B3GAT1: variants seen among roughly 807,000 people sequenced by gnomAD.
The protein encoded by B3GAT1 is galactosylgalactosylxylosylprotein 3-beta-glucuronosyltransferase 1.
B3GAT1 carries 11 observed loss-of-function variants against 28.4 expected under a neutral mutation model. The ratio of observed to expected loss-of-function variants is 0.39; its 90% CI spans 0.24 to 0.64. The LOEUF is 0.64. B3GAT1 is among the 30% of genes least tolerant of loss of function. B3GAT1 has a pLI of 0.50. For missense variants in B3GAT1, 375 were observed against 491.0 expected (o/e 0.76, Z 2.23); for synonymous variants, 255 against 223.1 (o/e 1.14, Z -1.27).
intron 1 of B3GAT1, among the ~76,000 whole-genome samples, chr11:134,403,653 G>C (rs1944664723): frequency 6.6e-6 from 1 of 152,120 alleles, no homozygotes; most frequent in Non-Finnish European, 1.5e-5. Flanking sequence ...CATTTATTGA[G>C]CTTTTGCTCC....
At chr11:134,383,103 A>T (rs1944174423) in intron 3 of B3GAT1, 97 bp from the exon 4 acceptor site, 2 of 1,364,342 alleles carry the variant, frequency 1.5e-6, no homozygotes, top group East Asian at 5.0e-5. Flanking sequence ...ACCTCTATCT[A>T]TGCCCATGGC....
At chr11:134,408,796 C>A (rs1944788408) in intron 1 of B3GAT1, among the ~76,000 whole-genome samples, 1 of 118,724 alleles carries the variant, frequency 8.4e-6, no homozygotes, top group Non-Finnish European at 1.7e-5. Context: ...GGTGGGACAG[C>A]CTGCACCGAC....
rs184442091 is a variant in B3GAT1, at chr11:134,395,802, C to T, written c.-281-7862G>A. ...TATTGCTATCTAACCAATTCCTACA[C>T]ACTTGGCAGAGGACAGCCCCCATTG... On this transcript the variant is annotated intron_variant, in intron 1 of 5. Coordinates refer to ENST00000312527, the MANE Select transcript of B3GAT1 (RefSeq NM_054025.3). Among the ~76,000 whole-genome samples, 4 of 152,330 alleles carry T rather than the reference C, an allele frequency of 2.6e-5. No homozygotes were observed. In the East Asian group the frequency reaches 7.7e-4, roughly 29 times the overall value.
In B3GAT1 at chr11:134,410,205, C is replaced by T. The variant is rs529028382; in HGVS notation, c.-282+1602G>A. On this transcript the variant is annotated intron_variant, in intron 1 of 5. Transcript: ENST00000312527. ...CTTATCTCCTCAGTGATTTACCTGC[C>T]CCCTGCTTCTGGTGGAACAGTGAGT... 2.0e-5 allele frequency among the ~76,000 whole-genome samples: 3 copies of T among 152,318 alleles called. No individual in the cohort carries two copies. In the South Asian group the frequency reaches 6.2e-4, roughly 32 times the overall value.
At chr11:134,403,080 T>C (rs1944653518) in intron 1 of B3GAT1, among the ~76,000 whole-genome samples, 1 of 151,990 alleles carries the variant, frequency 6.6e-6, no homozygotes, top group Admixed American at 6.5e-5. Flanking sequence ...GCTGATACTA[T>C]CTCTGGGTTT....
At position 134,387,602 on chromosome 11, in the gene B3GAT1, G is replaced by A; in HGVS notation, c.58C>T (p.Leu20Phe). The change falls in exon 2 of 6, where the codon CTC (leucine) becomes TTC (phenylalanine). Residue 20 changes from leucine to phenylalanine, a missense_variant. Coordinates refer to ENST00000312527, the MANE Select transcript of B3GAT1 (RefSeq NM_054025.3). ...GTGCTCTGGTGCCAGACAGTGATGAGCAGAGTCCAGGGCAGCACGATGAGG... is the reference window on the plus strand; with the variant it reads ...GTGCTCTGGTGCCAGACAGTGATGAACAGAGTCCAGGGCAGCACGATGAGG... ...IVLIVLPWTL[L>F]ITVWHQSTLA... 3 of 1,614,166 alleles carry A rather than the reference G, an allele frequency of 1.9e-6. No homozygotes were observed. The highest frequency in any genetic ancestry group is 2.5e-6 in the Non-Finnish European group (3 of 1,180,044).
chr11:134,401,676 C>T (rs557426350), intron 1 of B3GAT1, among the ~76,000 whole-genome samples: 5 of 152,188 alleles, frequency 3.3e-5, no homozygotes, highest in African/African-American at 1.2e-4. Context: ...ATCTCAGCAT[C>T]ACATAATATA....
At chr11:134,384,497 T>C (rs1476874407) in intron 2 of B3GAT1, 1 of 421,628 alleles carries the variant, frequency 2.4e-6, no homozygotes. Context: ...ATGTGCTGAC[T>C]TTCCTATGAA....
chr11:134,409,012 C>T (rs1039300234), intron 1 of B3GAT1, among the ~76,000 whole-genome samples: 11 of 152,156 alleles, frequency 7.2e-5, no homozygotes, highest in African/African-American at 2.7e-4. Flanking sequence ...CGCTGCTACT[C>T]CAAATTCTAG....
At chr11:134,381,732 T>C (rs1410262093) in intron 5 of B3GAT1, 192 bp downstream of exon 5, 1 of 576,472 alleles carries the variant, frequency 1.7e-6, no homozygotes, top group Non-Finnish European at 3.1e-6. Context: ...GCTGCGTGGG[T>C]GAAAGTTAAT....
chr11:134,393,892 A>G lies in B3GAT1; in HGVS notation c.-281-5952T>C, dbSNP rs1944456635. ...AGTGCCCCCAAAGAGAGGGAGGGAC[A>G]GGCTTTGTCCCACAGATCTCCAGGT... On this transcript the variant is annotated intron_variant, in intron 1 of 5. Coordinates refer to ENST00000312527, the MANE Select transcript of B3GAT1 (RefSeq NM_054025.3). The surrounding 1 kb of genome is among the most constrained non-coding windows in gnomAD (Gnocchi z 4.0). Among the ~76,000 whole-genome samples the G allele has an allele frequency of 6.6e-6, 1 of 152,216 alleles. No individual in the cohort carries two copies.
At position 134,382,825 on chromosome 11, in the gene B3GAT1, C is replaced by T. The variant is rs368413334; in HGVS notation, c.803G>A (p.Arg268Gln). 7.6e-5 allele frequency: 122 copies of T among 1,614,096 alleles called. No homozygotes were observed. The highest frequency in any genetic ancestry group is 9.8e-5 in the Non-Finnish European group (116 of 1,180,046). Residue 268 changes from arginine to glutamine, a missense_variant, in exon 4 of 6, where the codon CGA becomes CAA. Arg to Gln is a conservative substitution (Grantham distance 43, BLOSUM62 1). Coordinates refer to ENST00000312527, the MANE Select transcript of B3GAT1 (RefSeq NM_054025.3). The stretch of plus-strand genomic sequence containing the variant: ...TCGCAGCTTGAAGTAGGCCTGGCTT[C>T]GCTGCAGAATGAGCCGCAGGTTGAC... ...FAVNLRLILQ[R>Q]SQAYFKLRGV...
At chr11:134,404,289 C>T (rs928229354) in intron 1 of B3GAT1, among the ~76,000 whole-genome samples, 5 of 151,688 alleles carry the variant, frequency 3.3e-5, no homozygotes, top group Admixed American at 6.6e-5. Context: ...TTTGTCCTTG[C>T]GACAGTTTGC....
intron 1 of B3GAT1, among the ~76,000 whole-genome samples, chr11:134,405,602 G>A (rs560988323): frequency 3.3e-5 from 5 of 152,140 alleles, no homozygotes; most frequent in South Asian, 2.1e-4. Context: ...GAGTCTCAGC[G>A]TTGCGCCCCG....
chr11:134,402,451 C>T (rs1345002237), intron 1 of B3GAT1, among the ~76,000 whole-genome samples: 7 of 152,144 alleles, frequency 4.6e-5, no homozygotes, highest in African/African-American at 1.7e-4. Flanking sequence ...CTCCCTGCCC[C>T]GTCTCCCCAG....
At chr11:134,384,307 T>A in intron 2 of B3GAT1, 119 bp from the exon 3 acceptor site, 1 of 1,313,976 alleles carries the variant, frequency 7.6e-7, no homozygotes, top group Non-Finnish European at 1.0e-6. Flanking sequence ...CAGGGGCTGC[T>A]CAGACCCCCG....
chr11:134,405,363 C>CGG (rs1320838929), intron 1 of B3GAT1, among the ~76,000 whole-genome samples: 1 of 152,190 alleles, frequency 6.6e-6, no homozygotes, highest in Non-Finnish European at 1.5e-5. Context: ...TCTGAAGCCA[C>CGG]GGAGGGTCCA....
In B3GAT1 at chr11:134,387,704, G is replaced by A. The variant is rs571030904; in HGVS notation, c.-45C>T. On this transcript the variant is annotated 5_prime_UTR_variant, in exon 2 of 6. Transcript: ENST00000312527. ...CACGGCTCCTCATTACCTGAGTGGCGGTAAGTTCAGGAGAGGGGCGGCCAC... is the reference window on the plus strand; with the variant it reads ...CACGGCTCCTCATTACCTGAGTGGCAGTAAGTTCAGGAGAGGGGCGGCCAC... 6.3e-5 allele frequency: 101 copies of A among 1,611,664 alleles called. No individual in the cohort carries two copies. The highest frequency in any genetic ancestry group is 7.9e-5 in the Non-Finnish European group (93 of 1,179,166).
At chr11:134,381,451 T>G (rs576278984) in intron 5 of B3GAT1, among the ~76,000 whole-genome samples, 46 of 152,212 alleles carry the variant, frequency 3.0e-4, no homozygotes, top group Non-Finnish European at 1.5e-5. Flanking sequence ...GGAGCTGAGG[T>G]GGGCTCTGGG....
Sources: allele counts gnomAD v4.1 joint callset (sites outside exome capture counted in the v4.1 genomes callset), GRCh38; gene constraint gnomAD v4.1.1; non-coding constraint Gnocchi (gnomAD v3.1); transcripts MANE v1.5; gene names NCBI Gene and HGNC (gene_info 2026-07-23, HGNC 2026-07-21).